Variants in GPR161 observed in about 807,000 individuals in gnomAD.
GPR161 encodes G-protein coupled receptor RE2.
In GPR161, 25 loss-of-function variants were observed where a neutral mutation model predicts 39.2. The ratio of observed to expected loss-of-function variants is 0.64; its 90% CI spans 0.47 to 0.89. GPR161 has a LOEUF of 0.89. GPR161 is among the 40% of genes least tolerant of loss of function. The probability of loss-of-function intolerance (pLI) is 0.00; values close to 1 mark genes in which losing one functional copy is unlikely to be tolerated. For missense variants in GPR161, 547 were observed against 677.8 expected (o/e 0.81, Z 2.14); for synonymous variants, 286 against 276.6 (o/e 1.03, Z -0.34).
chr1:168,115,829 G>A (rs893207789), intron 1 of GPR161, among the ~76,000 whole-genome samples: 20 of 151,452 alleles, frequency 1.3e-4, no homozygotes, highest in Non-Finnish European at 7.4e-5. Flanking sequence ...AGGCTGGAGT[G>A]CAGTGGCGCG....
chr1:168,131,062 G>A lies in GPR161; in HGVS notation c.-45+5677C>T, dbSNP rs142753423. Among the ~76,000 whole-genome samples the A allele has an allele frequency of 9.9e-4, 151 of 152,288 alleles. 1 individual carries two copies. In the South Asian group the frequency reaches 0.018, roughly 18 times the overall value. ...TGAATGAGATAGTGTGTGTAAAGCAGTTGGTTCCATTTCCTATCACAGACA... is the reference window on the plus strand; with the variant it reads ...TGAATGAGATAGTGTGTGTAAAGCAATTGGTTCCATTTCCTATCACAGACA... On this transcript the variant is annotated intron_variant, in intron 1 of 5. Coordinates refer to ENST00000682931, the MANE Select transcript of GPR161 (RefSeq NM_001375883.1).
intron 3 of GPR161, among the ~76,000 whole-genome samples, chr1:168,094,875 G>A (rs1054324008): frequency 2.6e-5 from 4 of 152,166 alleles, no homozygotes; most frequent in African/African-American, 4.8e-5. Flanking sequence ...CTGAGTCAGT[G>A]GGAAAGGGCC....
chr1:168,137,186 T>C (rs1431478356), upstream of GPR161: 21 of 1,408,688 alleles, frequency 1.5e-5, no homozygotes, highest in Non-Finnish European at 1.7e-5. Context: ...GCCCCACTTT[T>C]CTCCTGAAAA....
chr1:168,136,444 G>A (rs1699380734), intron 1 of GPR161: 5 of 1,328,048 alleles, frequency 3.8e-6, no homozygotes, highest in African/African-American at 1.5e-5. Context: ...AAACGGGGCG[G>A]GCTGCACCCA....
Position 168,087,797 on chromosome 1 carries a change from C to G in GPR161, c.1205-93G>C, listed in dbSNP as rs948582485. The G allele has an allele frequency of 1.6e-5, 21 of 1,289,254 alleles. No homozygotes were observed. The East Asian group carries it at 2.9e-4, about 18-fold the overall frequency. 79.9% of individuals were successfully genotyped at this position (1,289,254 alleles called of 1,614,324 possible). On this transcript the variant is annotated intron_variant, in intron 4 of 5. Coordinates refer to ENST00000682931, the MANE Select transcript of GPR161 (RefSeq NM_001375883.1). ...TCAACACCCCTTCCACCCCTCTTCT[C>G]CCGTTCATCCAAACCCATCATCAAG... is the stretch of plus-strand genomic sequence containing the variant.
intron 1 of GPR161, among the ~76,000 whole-genome samples, chr1:168,130,016 C>T (rs1354955869): frequency 6.6e-6 from 1 of 152,188 alleles, no homozygotes; most frequent in African/African-American, 2.4e-5. Flanking sequence ...TTTTGAGACT[C>T]CCTCTTCCCT....
intron 1 of GPR161, among the ~76,000 whole-genome samples, chr1:168,111,516 C>T (rs751218655): frequency 2.0e-5 from 3 of 152,152 alleles, no homozygotes; most frequent in Admixed American, 6.5e-5. Context: ...GTGGCAAAGA[C>T]AGAAAGGGAG....
At position 168,085,556 on chromosome 1, in the gene GPR161, T is replaced by C. The variant is rs551996224; in HGVS notation, c.1565A>G (p.Asp522Gly). 1.4e-4 allele frequency: 220 copies of C among 1,613,632 alleles called. 1 individual carries two copies. The South Asian group carries it at 2.3e-3, about 17-fold the overall frequency. Residue 522 changes from aspartate (D) to glycine (G), a missense_variant, in exon 6 of 6, where the codon GAT becomes GGT. Asp to Gly is a moderately conservative substitution (Grantham distance 94). Coordinates refer to ENST00000682931, the MANE Select transcript of GPR161 (RefSeq NM_001375883.1). The stretch of plus-strand genomic sequence containing the variant: ...TCATCTCTGCTCGGCAGCTAAAACA[T>C]CTCCTTCTTCGATGCTCTGCAACTG... ...RLQLQSIEEG[D>G]VLAAEQR
At chr1:168,116,296 G>C (rs1221488111) in intron 1 of GPR161, among the ~76,000 whole-genome samples, 1 of 152,186 alleles carries the variant, frequency 6.6e-6, no homozygotes, top group Non-Finnish European at 1.5e-5. Flanking sequence ...AGTGCAAACA[G>C]GTAGGTACAT....
intron 2 of GPR161, among the ~76,000 whole-genome samples, chr1:168,103,052 A>T (rs1696258371): frequency 6.6e-6 from 1 of 152,230 alleles, no homozygotes; most frequent in African/African-American, 2.4e-5. Flanking sequence ...CTGAGAATAT[A>T]GCAATTACAC....
intron 1 of GPR161, among the ~76,000 whole-genome samples, chr1:168,105,502 A>G (rs1458643561): frequency 1.3e-5 from 2 of 152,188 alleles, no homozygotes; most frequent in African/African-American, 4.8e-5. Flanking sequence ...TTTGGTGCAC[A>G]TTACAATTTG....
Position 168,119,203 on chromosome 1 carries a change from T to TATATATATAC in GPR161, c.-44-14310_-44-14309insGTATATATAT, listed in dbSNP as rs1553269051. On this transcript the variant is annotated intron_variant, in intron 1 of 5. Coordinates refer to ENST00000682931, the MANE Select transcript of GPR161 (RefSeq NM_001375883.1). Reference sequence around the variant, plus strand: ...GCAACCCAAATCTCCATCATATATATATATATGTATACATATATATATACG... The same window carrying TATATATATAC: ...GCAACCCAAATCTCCATCATATATATATATATATACATATATGTATACATATATATATACG... Among the ~76,000 whole-genome samples, 495 of 103,446 alleles carry TATATATATAC rather than the reference T, an allele frequency of 4.8e-3. 83 individuals carry two copies. The highest frequency in any genetic ancestry group is 0.02 in the African/African-American group (447 of 22,608). 67.9% of individuals were successfully genotyped at this position (103,446 alleles called of 152,430 possible).
intron 3 of GPR161, among the ~76,000 whole-genome samples, chr1:168,092,555 A>G (rs1695164340): frequency 1.3e-5 from 2 of 152,218 alleles, no homozygotes; most frequent in Non-Finnish European, 2.9e-5. Context: ...CCCCTCAAGA[A>G]AAAAGCACAA....
chr1:168,092,619 AACAGTC>A (rs1279979691), intron 3 of GPR161, among the ~76,000 whole-genome samples: 3 of 152,170 alleles, frequency 2.0e-5, no homozygotes, highest in African/African-American at 7.2e-5. Flanking sequence ...TGCGGTGAGC[AACAGTC>A]ACAGTGCTCT....
intron 1 of GPR161, among the ~76,000 whole-genome samples, chr1:168,114,969 A>G (rs1393597283): frequency 1.3e-5 from 2 of 152,160 alleles, no homozygotes; most frequent in African/African-American, 2.4e-5. Context: ...GGATGCTCAC[A>G]TGACCCTAGG....
intron 1 of GPR161, among the ~76,000 whole-genome samples, chr1:168,118,406 G>T (rs979604453): frequency 0.011 from 1,722 of 152,250 alleles, 32 homozygotes; most frequent in African/African-American, 0.04. Flanking sequence ...TATACACAGG[G>T]ACACAGAGTA....
In GPR161 at chr1:168,096,364, GA is replaced by G. The variant is rs1558097409; in HGVS notation, c.1099+143del. The G allele has an allele frequency of 3.6e-6, 3 of 824,674 alleles. No individual in the cohort carries two copies. In the South Asian group the frequency reaches 5.4e-5, roughly 15 times the overall value. The allele number at this position is 824,674 out of a possible 1,614,324, so 51.1% of individuals were successfully genotyped here. A position where few individuals can be genotyped will look rare whatever the true frequency, so the allele number is the denominator to read the frequency against. On this transcript the variant is annotated intron_variant, in intron 3 of 5. Transcript: ENST00000682931. Reference sequence around the variant, plus strand: ...CCTGGCAATCACAGCGGAGCCTCTGGAATGTTTCTTCCGAAAGGAAATCTGT... The same window carrying G: ...CCTGGCAATCACAGCGGAGCCTCTGGATGTTTCTTCCGAAAGGAAATCTGT...
intron 1 of GPR161, chr1:168,135,123 T>C (rs1342477701): frequency 7.1e-6 from 10 of 1,412,192 alleles, no homozygotes; most frequent in East Asian, 5.2e-5. Flanking sequence ...GAGGGGTCTC[T>C]ATTCTTGATG....
chr1:168,090,027 G>A (rs1035570200), intron 4 of GPR161, among the ~76,000 whole-genome samples: 2 of 152,198 alleles, frequency 1.3e-5, no homozygotes, highest in African/African-American at 4.8e-5. Flanking sequence ...CTTGCTGGAG[G>A]GCTCCTTCTG....
Sources: allele counts gnomAD v4.1 joint callset (sites outside exome capture counted in the v4.1 genomes callset), GRCh38; gene constraint gnomAD v4.1.1; transcripts MANE v1.5; gene names NCBI Gene and HGNC (gene_info 2026-07-23, HGNC 2026-07-21).